The following NELL1 variants were observed in gnomAD, a reference collection of about 807,000 sequenced individuals.
NELL1 encodes protein kinase C-binding protein NELL1.
Under a neutral mutation model 107.4 loss-of-function variants are expected in NELL1, and 76 were observed. The observed-to-expected ratio is 0.71, with a 90% CI of 0.59 to 0.86. The LOEUF (loss-of-function observed/expected upper bound fraction) is 0.86. Among genes scored for constraint, NELL1 ranks in the 40% least tolerant of loss-of-function variants. The pLI is 0.00. For synonymous variants in NELL1, 353 were observed against 341.2 expected, an observed-to-expected ratio of 1.03 and a Z score of -0.38; for missense variants, 1,024 against 1,005.5, an observed-to-expected ratio of 1.02 and a Z score of -0.25.
At chr11:20,673,562 G>T (rs1193164767) in intron 1 of NELL1, among the ~76,000 whole-genome samples, 1 of 152,216 alleles carries the variant, frequency 6.6e-6, no homozygotes, top group Non-Finnish European at 1.5e-5. Flanking sequence ...AGCATTCCCT[G>T]GGTGGGGGTG....
intron 14 of NELL1, among the ~76,000 whole-genome samples, chr11:21,261,166 T>C (rs1848522727): frequency 6.6e-6 from 1 of 151,628 alleles, no homozygotes; most frequent in Non-Finnish European, 1.5e-5. Context: ...ATAGATAATT[T>C]GGGTGAAAAT....
At chr11:21,296,845 A>G (rs933810060) in intron 14 of NELL1, among the ~76,000 whole-genome samples, 2 of 151,602 alleles carry the variant, frequency 1.3e-5, no homozygotes, top group Non-Finnish European at 2.9e-5. Flanking sequence ...TTTTTATAGT[A>G]AAGAAAAGAT....
At chr11:21,501,454 T>C (rs553135456) in intron 15 of NELL1, among the ~76,000 whole-genome samples, 1 of 152,296 alleles carries the variant, frequency 6.6e-6, no homozygotes, top group South Asian at 2.1e-4. Context: ...TTTTTCTTGG[T>C]ATTGATGGGG....
intron 5 of NELL1, among the ~76,000 whole-genome samples, chr11:20,917,730 G>T (rs1850287619): frequency 6.6e-6 from 1 of 151,892 alleles, no homozygotes; most frequent in South Asian, 2.1e-4. Flanking sequence ...GAAGAGCAAG[G>T]ATTGTTATGG....
At chr11:21,233,974 A>G (rs1858132449) in intron 14 of NELL1, among the ~76,000 whole-genome samples, 1 of 152,236 alleles carries the variant, frequency 6.6e-6, no homozygotes, top group Non-Finnish European at 1.5e-5. Context: ...ACAAGTCCCC[A>G]GGGATTTCAC....
intron 15 of NELL1, among the ~76,000 whole-genome samples, chr11:21,496,234 ATAT>A (rs1366643269): frequency 6.6e-6 from 1 of 151,990 alleles, no homozygotes; most frequent in Non-Finnish European, 1.5e-5. Flanking sequence ...CAGTTACCAC[ATAT>A]TATCATTGCA....
intron 15 of NELL1, among the ~76,000 whole-genome samples, chr11:21,499,470 C>T (rs901184444): frequency 2.6e-5 from 4 of 152,008 alleles, no homozygotes. Flanking sequence ...AAAACTTTGT[C>T]ATTTGGTGTT....
chr11:21,558,227 A>G (rs1856767721), intron 16 of NELL1, among the ~76,000 whole-genome samples: 1 of 151,886 alleles, frequency 6.6e-6, no homozygotes, highest in African/African-American at 2.4e-5. Flanking sequence ...AAAAGAAAGC[A>G]TGTTCTAAGA....
At position 20,974,144 on chromosome 11, in the gene NELL1, T is replaced by C. The variant is rs184143492; in HGVS notation, c.1300+13584T>C. 1.6e-4 allele frequency among the ~76,000 whole-genome samples: 25 copies of C among 152,304 alleles called. No homozygotes were observed. In the East Asian group the frequency reaches 4.8e-3, roughly 29 times the overall value. Reference sequence around the variant, plus strand: ...TGCAGATTGTTTTTTCCCTAGCACCTCGGACAGTTCCTGGAACAGAGTGGG... The same window carrying C: ...TGCAGATTGTTTTTTCCCTAGCACCCCGGACAGTTCCTGGAACAGAGTGGG... On this transcript the variant is annotated intron_variant, in intron 12 of 19. Coordinates refer to ENST00000357134, the MANE Select transcript of NELL1 (RefSeq NM_006157.5).
At chr11:20,727,146 G>C (rs1171312741) in intron 2 of NELL1, among the ~76,000 whole-genome samples, 1 of 152,158 alleles carries the variant, frequency 6.6e-6, no homozygotes, top group Non-Finnish European at 1.5e-5. Flanking sequence ...GGTACTTCTA[G>C]TTCTAGATCC....
intron 3 of NELL1, among the ~76,000 whole-genome samples, chr11:20,799,440 C>T (rs1857238062): frequency 6.6e-6 from 1 of 152,202 alleles, no homozygotes; most frequent in Admixed American, 6.5e-5. Context: ...CATAGTGTTC[C>T]TTGGAAATCC....
chr11:21,313,114 C>A (rs1358123466), intron 14 of NELL1, among the ~76,000 whole-genome samples: 2 of 151,928 alleles, frequency 1.3e-5, no homozygotes, highest in South Asian at 4.2e-4. Context: ...AGACAGATCC[C>A]TTGTCAGCTG....
intron 14 of NELL1, among the ~76,000 whole-genome samples, chr11:21,243,089 C>T (rs1280641413): frequency 6.6e-6 from 1 of 151,966 alleles, no homozygotes; most frequent in African/African-American, 2.4e-5. Context: ...TTTCTATCAC[C>T]CTACTCATTT....
chr11:20,970,053 G>GTCCGTCCGTCCATCCATCCATCCATCCA (rs1288028582), intron 12 of NELL1, among the ~76,000 whole-genome samples: 1 of 125,968 alleles, frequency 7.9e-6, no homozygotes, highest in Non-Finnish European at 1.6e-5. Flanking sequence ...CTATCTCTCT[G>GTCCGTCCGTCCATCCATCCATCCATCCA]TCCATCCATC....
chr11:21,521,651 G>C (rs138691951), intron 15 of NELL1, among the ~76,000 whole-genome samples: 2 of 152,104 alleles, frequency 1.3e-5, no homozygotes, highest in Non-Finnish European at 2.9e-5. Context: ...TATATCAATT[G>C]CTGGATCAAA....
intron 13 of NELL1, among the ~76,000 whole-genome samples, chr11:21,218,414 G>A (rs1398393398): frequency 6.6e-6 from 1 of 152,042 alleles, no homozygotes; most frequent in African/African-American, 2.4e-5. Flanking sequence ...TTAAATACAT[G>A]AATACAATGA....
In NELL1 at chr11:20,960,511, G is replaced by A. The variant is rs1371442165; in HGVS notation, c.1251G>A (p.Glu417=). 6.2e-7 allele frequency: 1 copy of A among 1,613,904 alleles called. No homozygotes were observed. Residue 417 remains glutamate, a synonymous_variant, in exon 12 of 20, where the codon GAG becomes GAA. Coordinates refer to ENST00000357134, the MANE Select transcript of NELL1 (RefSeq NM_006157.5). ...CKNWNTKATC[E]CKSGYISVQG... ...ACTGGAATACAAAAGCTACTTGTGAGTGCAAGAGTGGTTACATCTCTGTCC... is the reference window on the plus strand; with the variant it reads ...ACTGGAATACAAAAGCTACTTGTGAATGCAAGAGTGGTTACATCTCTGTCC...
chr11:21,095,892 G>A (rs1239753095), intron 12 of NELL1, among the ~76,000 whole-genome samples: 1 of 152,178 alleles, frequency 6.6e-6, no homozygotes, highest in Non-Finnish European at 1.5e-5. Context: ...TTATAGATGT[G>A]AGCCACTGCA....
intron 15 of NELL1, among the ~76,000 whole-genome samples, chr11:21,424,149 A>G (rs1403828806): frequency 6.6e-6 from 1 of 152,240 alleles, no homozygotes; most frequent in Non-Finnish European, 1.5e-5. Flanking sequence ...AGAATAGAAA[A>G]GCAATAGAAA....
Sources: allele counts gnomAD v4.1 joint callset (sites outside exome capture counted in the v4.1 genomes callset), GRCh38; gene constraint gnomAD v4.1.1; transcripts MANE v1.5; gene names NCBI Gene and HGNC (gene_info 2026-07-23, HGNC 2026-07-21).